Variants in UBE2E1 observed in about 807,000 individuals in gnomAD.
UBE2E1 encodes the protein ubiquitin-conjugating enzyme E2 E1.
Under a neutral mutation model 21.4 loss-of-function variants are expected in UBE2E1, and 6 were observed. The observed-to-expected ratio is 0.28, with a 90% CI of 0.15 to 0.55. The LOEUF is 0.55. UBE2E1 is among the 20% of genes least tolerant of loss of function. The probability of loss-of-function intolerance (pLI) is 0.93; values close to 1 mark genes in which losing one functional copy is unlikely to be tolerated. For synonymous variants in UBE2E1, 87 were observed against 82.7 expected, an observed-to-expected ratio of 1.05 and a Z score of -0.28; for missense variants, 142 against 236.5, an observed-to-expected ratio of 0.60 and a Z score of 2.62.
intron 3 of UBE2E1, among the ~76,000 whole-genome samples, chr3:23,881,294 G>C (rs1701033006): frequency 6.6e-6 from 1 of 151,990 alleles, no homozygotes; most frequent in South Asian, 2.1e-4. Context: ...TATTTATTTT[G>C]ATTAGAAGAA....
intron 3 of UBE2E1, among the ~76,000 whole-genome samples, chr3:23,861,668 G>T (rs905277308): frequency 6.6e-6 from 1 of 152,238 alleles, no homozygotes; most frequent in Non-Finnish European, 1.5e-5. Flanking sequence ...GATGGACGTC[G>T]AGAGGAATGC....
rs1700364744 is a variant in UBE2E1 at position 23,853,247 on chromosome 3, T to C, written c.204-34320T>C. Among the ~76,000 whole-genome samples, 2 of 152,216 alleles carry C rather than the reference T, an allele frequency of 1.3e-5. 1 individual carries two copies. The highest frequency in any genetic ancestry group is 4.1e-4 in the South Asian group (2 of 4,832). On this transcript the variant is annotated intron_variant, in intron 3 of 5. Transcript: ENST00000306627. The surrounding 1 kb of genome is among the most constrained non-coding windows in gnomAD (Gnocchi z 4.1). The stretch of plus-strand genomic sequence containing the variant: ...CCTGGCTACAACTTCCAGTAAAATA[T>C]TGAATAGAAGTAGTAAGGGTATCAA...
chr3:23,825,176 C>A (rs1699728708), intron 3 of UBE2E1, among the ~76,000 whole-genome samples: 1 of 152,142 alleles, frequency 6.6e-6, no homozygotes, highest in South Asian at 2.1e-4. Context: ...TGTATTCAGG[C>A]CTGCATGGTT....
chr3:23,810,649 GTTCGCGCCCTGCT>G lies in UBE2E1; in HGVS notation c.153-803_153-791del. ...TGGTGCCCGAGTGGCGGGCGGGGGT[GTTCGCGCCCTGCT>G]TTCGCGCGCGGTCTCGGGCCAAGGT... is the stretch of plus-strand genomic sequence containing the variant. On this transcript the variant is annotated intron_variant, in intron 2 of 5. Coordinates refer to ENST00000306627, the MANE Select transcript of UBE2E1 (RefSeq NM_003341.5). The surrounding 1 kb of genome is among the most constrained non-coding windows in gnomAD (Gnocchi z 5.8). 1 of 934,070 alleles carries G rather than the reference GTTCGCGCCCTGCT, an allele frequency of 1.1e-6. No individual in the cohort carries two copies. The allele number at this position is 934,070 out of a possible 1,614,324, so 57.9% of individuals were successfully genotyped here.
intron 3 of UBE2E1, among the ~76,000 whole-genome samples, chr3:23,868,373 G>A (rs1011138957): frequency 2.0e-5 from 3 of 151,882 alleles, no homozygotes; most frequent in Admixed American, 6.6e-5. Flanking sequence ...GCAGTGACAC[G>A]ATCTCACTCA....
intron 3 of UBE2E1, among the ~76,000 whole-genome samples, chr3:23,874,201 C>A (rs1700867636): frequency 6.6e-6 from 1 of 152,174 alleles, no homozygotes; most frequent in Non-Finnish European, 1.5e-5. Flanking sequence ...GTGCCAGAAT[C>A]TTTTCTTAGA....
intron 5 of UBE2E1, chr3:23,889,703 A>ATACT: frequency 3.0e-6 from 3 of 985,404 alleles, no homozygotes; most frequent in Non-Finnish European, 2.4e-6. Flanking sequence ...TAGTTGTTAA[A>ATACT]TACTTAGTGA....
intron 3 of UBE2E1, among the ~76,000 whole-genome samples, chr3:23,882,987 T>TGCA (rs755141769): frequency 2.8e-4 from 42 of 152,242 alleles, no homozygotes; most frequent in Non-Finnish European, 4.9e-4. Context: ...GCTCCCACAG[T>TGCA]GCAGCAGGGG....
At chr3:23,885,320 G>A (rs920941394) in intron 3 of UBE2E1, among the ~76,000 whole-genome samples, 1 of 152,172 alleles carries the variant, frequency 6.6e-6, no homozygotes, top group Non-Finnish European at 1.5e-5. Flanking sequence ...AAAGTTTCGA[G>A]GGGATGCAAA....
At chr3:23,811,328 G>T in intron 2 of UBE2E1, 132 bp from the exon 3 acceptor site, 1 of 800,094 alleles carries the variant, frequency 1.2e-6, no homozygotes. Context: ...AGTTCTTGAT[G>T]TGTAGTTCCT....
chr3:23,878,713 A>G (rs746471748), intron 3 of UBE2E1, among the ~76,000 whole-genome samples: 38 of 152,292 alleles, frequency 2.5e-4, no homozygotes, highest in Non-Finnish European at 4.3e-4. Context: ...ATGAGAATCT[A>G]ATGCCTGATG....
intron 3 of UBE2E1, among the ~76,000 whole-genome samples, chr3:23,851,926 C>A (rs781234830): frequency 6.6e-6 from 1 of 152,124 alleles, no homozygotes; most frequent in South Asian, 2.1e-4. Context: ...AGGGACAGAC[C>A]CTTCATGTAT....
At chr3:23,809,039 CTTTG>C (rs1324586764) in intron 2 of UBE2E1, among the ~76,000 whole-genome samples, 4 of 152,062 alleles carry the variant, frequency 2.6e-5, no homozygotes, top group Non-Finnish European at 5.9e-5. Context: ...ACTAGACATA[CTTTG>C]TTTATTTTAA....
intron 3 of UBE2E1, among the ~76,000 whole-genome samples, chr3:23,882,311 T>TC (rs1223136315): frequency 3.3e-5 from 5 of 152,218 alleles, no homozygotes; most frequent in African/African-American, 1.2e-4. Flanking sequence ...ACAAAAGTTC[T>TC]CCAAGTCCCC....
Position 23,832,171 on chromosome 3 carries a change from T to G in UBE2E1, c.203+20661T>G, listed in dbSNP as rs1273394811. On this transcript the variant is annotated intron_variant, in intron 3 of 5. Transcript: ENST00000306627. ...TGCTCAAACTTTTGCTGTGAATGAA[T>G]GAAGGAGCAAATGAATGATTTTCCT... is the stretch of plus-strand genomic sequence containing the variant. Among the ~76,000 whole-genome samples, 8 of 152,324 alleles carry G rather than the reference T, an allele frequency of 5.3e-5. No individual in the cohort carries two copies. In the South Asian group the frequency reaches 1.7e-3, roughly 32 times the overall value.
chr3:23,811,247 G>A (rs1296005220), intron 2 of UBE2E1, among the ~76,000 whole-genome samples: 1 of 152,234 alleles, frequency 6.6e-6, no homozygotes, highest in Admixed American at 6.5e-5. Context: ...AAACTTTGCA[G>A]ATGAGAACAG....
rs1700102902 is a variant in UBE2E1, at chr3:23,842,218, T to TGA, written c.203+30709_203+30710insAG. On this transcript the variant is annotated intron_variant, in intron 3 of 5. Transcript: ENST00000306627. This position sits in a 1 kb window ranked among gnomAD's most constrained non-coding sequence, Gnocchi z 4.6. Reference sequence around the variant, plus strand: ...GAAGGGGTGTGTGTGTGTGTGTGTGTGTGTGTGTGTGTGTGTGTGTGTGTG... The same window carrying TGA: ...GAAGGGGTGTGTGTGTGTGTGTGTGTGAGTGTGTGTGTGTGTGTGTGTGTGTG... 1.1e-5 allele frequency among the ~76,000 whole-genome samples: 1 copy of TGA among 90,054 alleles called. No individual in the cohort carries two copies. The highest frequency in any genetic ancestry group is 4.1e-4 in the South Asian group (1 of 2,420). 59.1% of individuals were successfully genotyped at this position (90,054 alleles called of 152,430 possible). A position where few individuals can be genotyped will look rare whatever the true frequency, so the allele number is the denominator to read the frequency against.
intron 3 of UBE2E1, among the ~76,000 whole-genome samples, chr3:23,860,912 G>A (rs1047176224): frequency 2.0e-5 from 3 of 152,200 alleles, no homozygotes; most frequent in East Asian, 3.9e-4. Flanking sequence ...ATTGTTTTTC[G>A]AAATGTTAAT....
chr3:23,837,371 A>C lies in UBE2E1; in HGVS notation c.203+25861A>C, dbSNP rs149770502. 2.6e-5 allele frequency among the ~76,000 whole-genome samples: 4 copies of C among 152,346 alleles called. No individual in the cohort carries two copies. The East Asian group carries it at 7.7e-4, about 29-fold the overall frequency. ...GGACCTGAGCCAGGGAGTGTGTTCC[A>C]AACCCAGCACTAATACTTGAGAAGC... is the stretch of plus-strand genomic sequence containing the variant. On this transcript the variant is annotated intron_variant, in intron 3 of 5. Coordinates refer to ENST00000306627, the MANE Select transcript of UBE2E1 (RefSeq NM_003341.5).
Sources: allele counts gnomAD v4.1 joint callset (sites outside exome capture counted in the v4.1 genomes callset), GRCh38; gene constraint gnomAD v4.1.1; non-coding constraint Gnocchi (gnomAD v3.1); transcripts MANE v1.5; gene names NCBI Gene and HGNC (gene_info 2026-07-23, HGNC 2026-07-21).